The following ZMYND11 variants were observed in gnomAD, a reference collection of about 807,000 sequenced individuals.
ZMYND11 encodes the protein zinc finger MYND domain-containing protein 11.
In ZMYND11, 9 loss-of-function variants were observed where a neutral mutation model predicts 84.9. That is an observed-to-expected ratio of 0.11 (90% CI 0.06 to 0.18). The LOEUF (loss-of-function observed/expected upper bound fraction) is 0.18. Ranked by LOEUF, ZMYND11 falls within the 10% of genes least tolerant of loss-of-function variation. The pLI is 1.00. For synonymous variants in ZMYND11, 250 were observed against 244.1 expected (o/e 1.02, Z -0.23); for missense variants, 409 against 761.0 (o/e 0.54, Z 5.44).
chr10:184,170 A>G (rs989171819), intron 2 of ZMYND11, among the ~76,000 whole-genome samples: 1 of 152,206 alleles, frequency 6.6e-6, no homozygotes, highest in African/African-American at 2.4e-5. Flanking sequence ...TCTCAGGGAC[A>G]TCATCTGTGA....
intron 2 of ZMYND11, among the ~76,000 whole-genome samples, chr10:187,675 C>G (rs1939115418): frequency 2.0e-5 from 3 of 150,624 alleles, no homozygotes; most frequent in South Asian, 4.2e-4. Flanking sequence ...ACTTCTTTAA[C>G]AAGCTCCAAC....
chr10:196,998 A>C (rs534334410), intron 2 of ZMYND11, among the ~76,000 whole-genome samples: 352 of 151,326 alleles, frequency 2.3e-3, no homozygotes, highest in Non-Finnish European at 3.9e-3. Flanking sequence ...ATGTATGTGT[A>C]TCAATACATA....
intron 4 of ZMYND11, among the ~76,000 whole-genome samples, chr10:234,763 C>G (rs543318432): frequency 3.9e-5 from 6 of 152,130 alleles, no homozygotes; most frequent in South Asian, 2.1e-4. Flanking sequence ...AGCCTTCTTA[C>G]GTTTTCTCTT....
intron 2 of ZMYND11, among the ~76,000 whole-genome samples, chr10:203,145 C>T (rs760952177): frequency 6.6e-6 from 1 of 151,846 alleles, no homozygotes; most frequent in Non-Finnish European, 1.5e-5. Flanking sequence ...ATAAGAATCC[C>T]CTACAAAATC....
At chr10:233,281 AAGGGC>A (rs1949331556) in intron 4 of ZMYND11, among the ~76,000 whole-genome samples, 5 of 152,298 alleles carry the variant, frequency 3.3e-5, no homozygotes, top group Middle Eastern at 3.4e-3. Flanking sequence ...AAGAACAGAC[AAGGGC>A]GTGCACTGGT....
At chr10:137,226 C>T (rs1294968632) in intron 1 of ZMYND11, among the ~76,000 whole-genome samples, 1 of 151,906 alleles carries the variant, frequency 6.6e-6, no homozygotes, top group Non-Finnish European at 1.5e-5. Context: ...GTATCTAGTA[C>T]CCTGGGTCAT....
At position 247,140 on chromosome 10, in the gene ZMYND11, T is replaced by C. The variant is rs574007309; in HGVS notation, c.1158+167T>C. 2.0e-4 allele frequency: 158 copies of C among 793,364 alleles called. 1 individual carries two copies. In the African/African-American group the frequency reaches 2.4e-3, roughly 12 times the overall value. 49.1% of individuals were successfully genotyped at this position (793,364 alleles called of 1,614,324 possible). A position where few individuals can be genotyped will look rare whatever the true frequency, so the allele number is the denominator to read the frequency against. On this transcript the variant is annotated intron_variant, in intron 11 of 14. Transcript: ENST00000381604. ...ACCAAAAGCAGTTCAAATGAATACATAGATGTAACAATCAATGACCTTGAC... is the reference window on the plus strand; with the variant it reads ...ACCAAAAGCAGTTCAAATGAATACACAGATGTAACAATCAATGACCTTGAC...
At chr10:192,668 G>A (rs1463546324) in intron 2 of ZMYND11, among the ~76,000 whole-genome samples, 4 of 152,216 alleles carry the variant, frequency 2.6e-5, no homozygotes, top group East Asian at 1.9e-4. Context: ...CTCCGTCTTC[G>A]TGCTGGGTAG....
intron 1 of ZMYND11, among the ~76,000 whole-genome samples, chr10:156,907 C>T (rs77109350): frequency 0.02 from 2,992 of 152,242 alleles, 95 homozygotes; most frequent in African/African-American, 0.068. Context: ...GATCTCCTCA[C>T]TGGTATTTGA....
intron 1 of ZMYND11, among the ~76,000 whole-genome samples, chr10:167,338 A>T (rs1319433347): frequency 3.3e-5 from 5 of 152,164 alleles, no homozygotes; most frequent in Admixed American, 2.0e-4. Context: ...TTGTATGTGA[A>T]TTATACCTCA....
intron 2 of ZMYND11, among the ~76,000 whole-genome samples, chr10:186,467 C>T (rs77764380): frequency 4.0e-5 from 6 of 151,354 alleles, no homozygotes; most frequent in Non-Finnish European, 4.4e-5. Flanking sequence ...ATAGTGAAAC[C>T]CTGTCCCTAC....
intron 2 of ZMYND11, among the ~76,000 whole-genome samples, chr10:193,515 A>T (rs1242580105): frequency 6.6e-6 from 1 of 152,202 alleles, no homozygotes; most frequent in East Asian, 1.9e-4. Flanking sequence ...GTTGAGTGCT[A>T]GGTGAATGTA....
intron 2 of ZMYND11, among the ~76,000 whole-genome samples, chr10:196,686 A>C (rs1307774416): frequency 6.6e-6 from 1 of 152,232 alleles, no homozygotes; most frequent in African/African-American, 2.4e-5. Flanking sequence ...TAGTAAATGA[A>C]TATTAAAAAG....
At chr10:239,656 G>A (rs1479159141) in intron 7 of ZMYND11, 131 bp downstream of exon 7, 37 of 721,276 alleles carry the variant, frequency 5.1e-5, no homozygotes, top group Non-Finnish European at 6.5e-5. Context: ...TAGAGTATAA[G>A]GTTAGGAATA....
At chr10:236,808 T>C in intron 4 of ZMYND11, 30 bp from the exon 5 acceptor site, 1 of 1,572,208 alleles carries the variant, frequency 6.4e-7, no homozygotes, top group Non-Finnish European at 8.7e-7. Context: ...TCAGATTTTG[T>C]ACCTTTTTTT....
intron 4 of ZMYND11, among the ~76,000 whole-genome samples, chr10:226,015 A>AGTTTGCCACATGGGGCTTGT (rs545442064): frequency 1.2e-3 from 190 of 152,322 alleles, no homozygotes; most frequent in African/African-American, 4.2e-3. Flanking sequence ...ACTGGATTGC[A>AGTTTGCCACATGGGGCTTGT]GTTTGCCACA....
At chr10:223,051 A>G (rs1272146751) in intron 4 of ZMYND11, among the ~76,000 whole-genome samples, 4 of 144,962 alleles carry the variant, frequency 2.8e-5, no homozygotes, top group Admixed American at 1.4e-4. Flanking sequence ...TTTTTCTGAG[A>G]CTGAGTCTCT....
At chr10:156,837 T>A (rs1841825969) in intron 1 of ZMYND11, among the ~76,000 whole-genome samples, 1 of 152,210 alleles carries the variant, frequency 6.6e-6, no homozygotes, top group South Asian at 2.1e-4. Flanking sequence ...AGAGCTACGT[T>A]AAAAATACAA....
In ZMYND11 at chr10:249,064, T is replaced by G; in HGVS notation, c.1662T>G (p.Ile554Met). The G allele has an allele frequency of 6.2e-7, 1 of 1,614,232 alleles. No individual in the cohort carries two copies. Among genetic ancestry groups the G allele is most frequent in the South Asian group, 1.1e-5 (1 of 91,084 alleles). ...TGGCAACACAGCACAAGCAACTGATTTCTCAGACCAAGAAGAAGCAGTGGG... is the reference window on the plus strand; with the variant it reads ...TGGCAACACAGCACAAGCAACTGATGTCTCAGACCAAGAAGAAGCAGTGGG... Reference protein sequence around the residue: ...KKLATQHKQLISQTKKKQWCY... With the variant: ...KKLATQHKQLMSQTKKKQWCY... Residue 554 changes from isoleucine (I) to methionine (M), a missense_variant, in exon 14 of 15, where the codon ATT becomes ATG. Physicochemically the swap from Ile to Met is conservative, Grantham distance 10 (BLOSUM62 1). Around this residue, in one of 7 missense-constraint regions of ZMYND11, gnomAD observed 141 missense variants for 173.8 expected, o/e 0.81. Coordinates refer to ENST00000381604, the MANE Select transcript of ZMYND11 (RefSeq NM_001370100.5).
Sources: allele counts gnomAD v4.1 joint callset (sites outside exome capture counted in the v4.1 genomes callset), GRCh38; gene constraint gnomAD v4.1.1; regional missense constraint gnomAD v4.1.1; transcripts MANE v1.5; gene names NCBI Gene and HGNC (gene_info 2026-07-23, HGNC 2026-07-21).